Variants in SEPTIN5 observed in about 807,000 individuals in gnomAD.
The protein encoded by SEPTIN5 is septin 5.
A neutral mutation model predicts 51.2 loss-of-function variants in SEPTIN5; 16 were observed. The ratio of observed to expected loss-of-function variants is 0.31; its 90% CI spans 0.21 to 0.47. The LOEUF (loss-of-function observed/expected upper bound fraction) is 0.47, where lower values mean the gene tolerates loss of function less well. Among genes scored for constraint, SEPTIN5 ranks in the 20% least tolerant of loss-of-function variants. The probability of loss-of-function intolerance (pLI) is 0.99; values close to 1 mark genes in which losing one functional copy is unlikely to be tolerated. For missense variants in SEPTIN5, 376 were observed against 500.3 expected (o/e 0.75, Z 2.37); for synonymous variants, 208 against 191.2 (o/e 1.09, Z -0.72).
At position 19,720,597 on chromosome 22, in the gene SEPTIN5, C is replaced by A. The variant is rs775492693; in HGVS notation, c.546C>A (p.Val182=). The part of the protein sequence containing the change: ...VGFMKALHEK[V]NIVPLIAKAD... Reference sequence around the variant, plus strand: ...TCATGAAGGCATTGCATGAGAAGGTCAACATCGTGCCTCTCATCGCCAAAG... The same window carrying A: ...TCATGAAGGCATTGCATGAGAAGGTAAACATCGTGCCTCTCATCGCCAAAG... Residue 182 remains valine (V), a synonymous_variant, in exon 7 of 12, where the codon GTC becomes GTA. Transcript: ENST00000455784. 1.2e-6 allele frequency: 2 copies of A among 1,612,974 alleles called. No homozygotes were observed. Among genetic ancestry groups the A allele is most frequent in the Admixed American group, 3.3e-5 (2 of 60,032 alleles).
At chr22:19,719,162 G>A (rs937212468) in intron 2 of SEPTIN5, 14 of 231,910 alleles carry the variant, frequency 6.0e-5, no homozygotes, top group African/African-American at 2.9e-4. Context: ...CGCCCCCGCG[G>A]CTGGATCCGG....
At position 19,722,223 on chromosome 22, in the gene SEPTIN5, C is replaced by A; in HGVS notation, c.951-14C>A. The A allele has an allele frequency of 6.4e-7, 1 of 1,560,732 alleles. No homozygotes were observed. The highest frequency in any genetic ancestry group is 8.7e-7 in the Non-Finnish European group (1 of 1,147,382). On this transcript the variant is annotated splice_polypyrimidine_tract_variant and intron_variant, in intron 10 of 11. Coordinates refer to ENST00000455784, the MANE Select transcript of SEPTIN5 (RefSeq NM_002688.6). Reference sequence around the variant, plus strand: ...TGGCGCCGCCCCGCCCATCCTCCCCCCCGCCCCGCGCAGCAAACTGACCCA... The same window carrying A: ...TGGCGCCGCCCCGCCCATCCTCCCCACCGCCCCGCGCAGCAAACTGACCCA...
Position 19,714,677 on chromosome 22 carries a change from G to T in SEPTIN5, c.43+46G>T. On this transcript the variant is annotated intron_variant, in intron 1 of 11. Coordinates refer to ENST00000455784, the MANE Select transcript of SEPTIN5 (RefSeq NM_002688.6). This position sits in a 1 kb window ranked among gnomAD's most constrained non-coding sequence, Gnocchi z 5.2. ...CGTGCCCGCGCGCGCCTTTGTCCCC[G>T]CCGCCCGCGCGCCTCTCACCGTGTC... The T allele has an allele frequency of 6.6e-7, 1 of 1,508,550 alleles. No individual in the cohort carries two copies. The allele number at this position is 1,508,550 out of a possible 1,614,324, so 93.4% of individuals were successfully genotyped here.
At position 19,720,088 on chromosome 22, in the gene SEPTIN5, G is replaced by A. The variant is rs375814924; in HGVS notation, c.239-27G>A. 1.7e-5 allele frequency: 28 copies of A among 1,612,678 alleles called. No individual in the cohort carries two copies. In the African/African-American group the frequency reaches 3.1e-4, roughly 18 times the overall value. On this transcript the variant is annotated intron_variant, in intron 4 of 11. Transcript: ENST00000455784. ...GGGTGAGGGGCTGAGGGTTGGAGAG[G>A]CCCTTCCAGTGGCCCCTTCCCCGTA...
chr22:19,718,777 C>A (rs1935960577), intron 2 of SEPTIN5: 2 of 1,236,782 alleles, frequency 1.6e-6, no homozygotes, highest in Non-Finnish European at 2.0e-6. Context: ...CCTGGTGGAG[C>A]AGCTGCTGTC....
At position 19,720,839 on chromosome 22, in the gene SEPTIN5, G is replaced by A. The variant is rs1436649814; in HGVS notation, c.687G>A (p.Glu229=). The A allele has an allele frequency of 6.2e-7, 1 of 1,613,754 alleles. No individual in the cohort carries two copies. Among genetic ancestry groups the A allele is most frequent in the Admixed American group, 1.7e-5 (1 of 60,012 alleles). Residue 229 remains glutamate, a synonymous_variant, in exon 8 of 12, where the codon GAG becomes GAA. Transcript: ENST00000455784. ...CTGAGTGTGACTCGGACGAGGATGAGGACTTCAAGCAGCAGGACCGGGAAC... is the reference window on the plus strand; with the variant it reads ...CTGAGTGTGACTCGGACGAGGATGAAGACTTCAAGCAGCAGGACCGGGAAC... The part of the protein sequence containing the change: ...QFPECDSDED[E]DFKQQDRELK...
Position 19,714,818 on chromosome 22 carries a change from C to T in SEPTIN5, c.54+27C>T, listed in dbSNP as rs1161652521. ...TACGTGCGCAGCGCCGCTCCCCCGC[C>T]GGGAGACCCGGCCGGCTGTCACCCA... On this transcript the variant is annotated intron_variant, in intron 2 of 11. Coordinates refer to ENST00000455784, the MANE Select transcript of SEPTIN5 (RefSeq NM_002688.6). The surrounding 1 kb of genome is among the most constrained non-coding windows in gnomAD (Gnocchi z 5.2). The T allele has an allele frequency of 1.3e-6, 2 of 1,590,744 alleles. No homozygotes were observed. Among genetic ancestry groups the T allele is most frequent in the Non-Finnish European group, 1.7e-6 (2 of 1,174,542 alleles).
intron 8 of SEPTIN5, 95 bp from the exon 9 acceptor site, chr22:19,721,545 C>A: frequency 7.6e-7 from 1 of 1,322,480 alleles, no homozygotes; most frequent in Admixed American, 1.8e-5. Flanking sequence ...GATGGTGATG[C>A]TGGAGGGGTG....
At chr22:19,718,822 C>T (rs1353777034) in intron 2 of SEPTIN5, 14 of 1,237,164 alleles carry the variant, frequency 1.1e-5, no homozygotes, top group Non-Finnish European at 1.4e-5. Context: ...GCTCAAGGTG[C>T]GTGTGTGGAG....
rs2145792393 is a variant in SEPTIN5 at position 19,721,833 on chromosome 22, G to A, written c.826G>A (p.Ala276Thr). ...PWGIVEVENQ[A>T]HCDFVKLRNM... The stretch of plus-strand genomic sequence containing the variant: ...CCCCCACCCCGCAGTGGAGAACCAG[G>A]CGCATTGCGACTTCGTGAAGCTGCG... The change falls in exon 10 of 12, where the codon GCG becomes ACG. Residue 276 changes from alanine to threonine, a missense_variant. Ala to Thr is a moderately conservative substitution (Grantham distance 58, BLOSUM62 0). Coordinates refer to ENST00000455784, the MANE Select transcript of SEPTIN5 (RefSeq NM_002688.6). 1 of 1,608,372 alleles carries A rather than the reference G, an allele frequency of 6.2e-7. No individual in the cohort carries two copies. Among genetic ancestry groups the A allele is most frequent in the Non-Finnish European group, 8.5e-7 (1 of 1,176,956 alleles).
In SEPTIN5 at chr22:19,720,218, C is replaced by T. The variant is rs748609238; in HGVS notation, c.342C>T (p.Asp114=). 7.4e-6 allele frequency: 12 copies of T among 1,613,424 alleles called. No homozygotes were observed. Among genetic ancestry groups the T allele is most frequent in the African/African-American group, 5.3e-5 (4 of 74,938 alleles). Residue 114 remains aspartate, a synonymous_variant, in exon 5 of 12, where the codon GAC becomes GAT. Transcript: ENST00000455784. ...TCGTGGACACGCCGGGATTCGGGGACGCTGTCAACAACACCGAGTGGTGAG... is the reference window on the plus strand; with the variant it reads ...TCGTGGACACGCCGGGATTCGGGGATGCTGTCAACAACACCGAGTGGTGAG... ...LTIVDTPGFG[D]AVNNTECWKP...
rs143719947 is a variant in SEPTIN5, at chr22:19,721,441, G to A, written c.718-199G>A. On this transcript the variant is annotated intron_variant, in intron 8 of 11. Coordinates refer to ENST00000455784, the MANE Select transcript of SEPTIN5 (RefSeq NM_002688.6). ...GCCTGGTTGGGCATAGCCTGGAAAG[G>A]CCCTGGAATGTGAGCCACATGGGCT... Among the ~76,000 whole-genome samples the A allele has an allele frequency of 2.8e-3, 432 of 152,330 alleles. 2 individuals carry two copies. The highest frequency in any genetic ancestry group is 6.8e-3 in the Middle Eastern group (2 of 294).
At position 19,714,765 on chromosome 22, in the gene SEPTIN5, G is replaced by A. The variant is rs889060288; in HGVS notation, c.44-16G>A. 1 of 1,480,292 alleles carries A rather than the reference G, an allele frequency of 6.8e-7. No individual in the cohort carries two copies. 91.7% of individuals were successfully genotyped at this position (1,480,292 alleles called of 1,614,324 possible). The stretch of plus-strand genomic sequence containing the variant: ...CGGAACCGGACCCGGACTCGACCCC[G>A]ACCCCGACCCCGCAGAGGACAAGCA... On this transcript the variant is annotated splice_polypyrimidine_tract_variant and intron_variant, in intron 1 of 11. Coordinates refer to ENST00000455784, the MANE Select transcript of SEPTIN5 (RefSeq NM_002688.6). This position sits in a 1 kb window ranked among gnomAD's most constrained non-coding sequence, Gnocchi z 5.2.
At position 19,722,520 on chromosome 22, in the gene SEPTIN5, C is replaced by G; in HGVS notation, c.*36C>G. ...GGACACACCGTCCGTCTCCGGGACGCCCTCGCACCCCTGGACACCAGACCG... is the reference window on the plus strand; with the variant it reads ...GGACACACCGTCCGTCTCCGGGACGGCCTCGCACCCCTGGACACCAGACCG... On this transcript the variant is annotated 3_prime_UTR_variant, in exon 12 of 12. Transcript: ENST00000455784. 1 of 1,559,724 alleles carries G rather than the reference C, an allele frequency of 6.4e-7. No homozygotes were observed. The highest frequency in any genetic ancestry group is 8.7e-7 in the Non-Finnish European group (1 of 1,151,756).
chr22:19,720,442 C>T lies in SEPTIN5; in HGVS notation c.485C>T (p.Pro162Leu). Residue 162 changes from proline to leucine, a missense_variant, in exon 6 of 12, where the codon CCC becomes CTC. Physicochemically the swap from Pro to Leu is moderately conservative, Grantham distance 98. Around this residue, in one of 2 missense-constraint regions of SEPTIN5, gnomAD observed 287 missense variants for 417.1 expected, o/e 0.69. Coordinates refer to ENST00000455784, the MANE Select transcript of SEPTIN5 (RefSeq NM_002688.6). ...RVHCCLYFIS[P>L]FGHGLRPVDV... ...CACTGCTGCCTATACTTCATCTCCC[C>T]CTTCGGGCATGGGTGTGTGGCTGTC... is the stretch of plus-strand genomic sequence containing the variant. 3 of 1,613,858 alleles carry T rather than the reference C, an allele frequency of 1.9e-6. No homozygotes were observed. Among genetic ancestry groups the T allele is most frequent in the Non-Finnish European group, 2.5e-6 (3 of 1,179,962 alleles).
intron 10 of SEPTIN5, 34 bp downstream of exon 10, chr22:19,721,991 C>T: frequency 6.3e-7 from 1 of 1,584,736 alleles, no homozygotes; most frequent in East Asian, 2.3e-5. Context: ...GACCTCGCCC[C>T]TCTGGCCCCG....
rs750524844 is a variant in SEPTIN5, at chr22:19,722,358, G to A, written c.1053+19G>A. The A allele has an allele frequency of 1.3e-6, 2 of 1,599,428 alleles. No individual in the cohort carries two copies. Among genetic ancestry groups the A allele is most frequent in the East Asian group, 2.3e-5 (1 of 44,264 alleles). On this transcript the variant is annotated intron_variant, in intron 11 of 11. Coordinates refer to ENST00000455784, the MANE Select transcript of SEPTIN5 (RefSeq NM_002688.6). ...TGAGGAAGTATGTGGGGCGGCGGGGGCGGCGGAGGCGGGCGTCAGGGATGC... is the reference window on the plus strand; with the variant it reads ...TGAGGAAGTATGTGGGGCGGCGGGGACGGCGGAGGCGGGCGTCAGGGATGC...
chr22:19,716,220 G>A (rs976602642), intron 2 of SEPTIN5, among the ~76,000 whole-genome samples: 12 of 152,326 alleles, frequency 7.9e-5, no homozygotes, highest in South Asian at 6.2e-4. Context: ...AGGGAGCCCC[G>A]GAGCAGGAGC....
In SEPTIN5 at chr22:19,714,760, A is replaced by C. The variant is rs1935890181; in HGVS notation, c.44-21A>C. ...CCGCTCGGAACCGGACCCGGACTCG[A>C]CCCCGACCCCGACCCCGCAGAGGAC... On this transcript the variant is annotated intron_variant, in intron 1 of 11. Coordinates refer to ENST00000455784, the MANE Select transcript of SEPTIN5 (RefSeq NM_002688.6). The surrounding 1 kb of genome is among the most constrained non-coding windows in gnomAD (Gnocchi z 5.2). The C allele has an allele frequency of 6.4e-7, 1 of 1,564,334 alleles. No homozygotes were observed.
Sources: allele counts gnomAD v4.1 joint callset (sites outside exome capture counted in the v4.1 genomes callset), GRCh38; gene constraint gnomAD v4.1.1; regional missense constraint gnomAD v4.1.1; non-coding constraint Gnocchi (gnomAD v3.1); transcripts MANE v1.5; gene names NCBI Gene and HGNC (gene_info 2026-07-23, HGNC 2026-07-21).